PAG1: variants seen among roughly 807,000 people sequenced by gnomAD.
PAG1 encodes the protein phosphoprotein membrane anchor with glycosphingolipid microdomains 1, also known as phosphoprotein associated with glycosphingolipid-enriched microdomains 1.
PAG1 carries 23 observed loss-of-function variants against 31.7 expected under a neutral mutation model. The ratio of observed to expected loss-of-function variants is 0.73; its 90% CI spans 0.52 to 1.03. The LOEUF (loss-of-function observed/expected upper bound fraction) is 1.03, where lower values mean the gene tolerates loss of function less well. Ranked by LOEUF, PAG1 falls within the 50% of genes least tolerant of loss-of-function variation. The pLI is 0.00. For missense variants in PAG1, 473 were observed against 540.7 expected (o/e 0.87, Z 1.24); for synonymous variants, 214 against 210.3 (o/e 1.02, Z -0.15).
At position 81,001,162 on chromosome 8, in the gene PAG1, A is replaced by T. The variant is rs187621742; in HGVS notation, c.-80-7855T>A. Among the ~76,000 whole-genome samples the T allele has an allele frequency of 4.1e-3, 631 of 152,252 alleles. 10 individuals are homozygous for T. The highest frequency in any genetic ancestry group is 0.028 in the Admixed American group (422 of 15,296). ...GTGTGGCTGAGGCCCATCTTTTACA[A>T]GTTTTTTCCTTCCTTACTCAAAATT... On this transcript the variant is annotated intron_variant, in intron 3 of 8. Coordinates refer to ENST00000220597, the MANE Select transcript of PAG1 (RefSeq NM_018440.4).
chr8:81,076,674 T>C (rs1372151802), intron 1 of PAG1, among the ~76,000 whole-genome samples: 1 of 152,236 alleles, frequency 6.6e-6, no homozygotes, highest in East Asian at 1.9e-4. Context: ...TTCTTTGGTT[T>C]CTCAGATTTT....
chr8:81,004,746 G>A (rs995171050), intron 3 of PAG1, among the ~76,000 whole-genome samples: 3 of 152,204 alleles, frequency 2.0e-5, no homozygotes, highest in Non-Finnish European at 4.4e-5. Flanking sequence ...TGGCAGCAGA[G>A]GCTCCATGGC....
chr8:80,980,642 T>G (rs769676711), intron 7 of PAG1, 148 bp from the exon 8 acceptor site: 10 of 613,016 alleles, frequency 1.6e-5, no homozygotes, highest in Admixed American at 5.9e-5. Flanking sequence ...GAAACACTTA[T>G]GCAATCTATT....
chr8:81,095,409 C>T (rs1171385306), intron 1 of PAG1, among the ~76,000 whole-genome samples: 1 of 152,186 alleles, frequency 6.6e-6, no homozygotes, highest in East Asian at 1.9e-4. Context: ...CTTCCCGATC[C>T]TGAGTACAGG....
At chr8:81,070,032 G>A (rs1338390390) in intron 2 of PAG1, 80 bp downstream of exon 2, 1 of 152,226 alleles carries the variant, frequency 6.6e-6, no homozygotes, top group Non-Finnish European at 1.5e-5. Context: ...AACAACTGAT[G>A]CATGCAAAGT....
rs750490314 is a variant in PAG1 at position 81,004,154 on chromosome 8, G to A, written c.-80-10847C>T. Reference sequence around the variant, plus strand: ...GAACCAAAACACACAGATGGTGCACGGACAGGTAACGCAGAAAGAAAACAC... The same window carrying A: ...GAACCAAAACACACAGATGGTGCACAGACAGGTAACGCAGAAAGAAAACAC... On this transcript the variant is annotated intron_variant, in intron 3 of 8. Transcript: ENST00000220597. Among the ~76,000 whole-genome samples the A allele has an allele frequency of 5.2e-4, 79 of 152,142 alleles. 1 individual carries two copies. The highest frequency in any genetic ancestry group is 5.9e-4 in the Admixed American group (9 of 15,284).
chr8:80,993,199 C>G lies in PAG1; in HGVS notation c.29G>C (p.Ser10Thr). 1 of 1,612,434 alleles carries G rather than the reference C, an allele frequency of 6.2e-7. No homozygotes were observed. Among genetic ancestry groups the G allele is most frequent in the Non-Finnish European group, 8.5e-7 (1 of 1,179,446 alleles). The change falls in exon 4 of 9, where the codon AGC becomes ACC. Residue 10 changes from serine (S) to threonine (T), a missense_variant. Physicochemically the swap from Ser to Thr is moderately conservative, Grantham distance 58. Coordinates refer to ENST00000220597, the MANE Select transcript of PAG1 (RefSeq NM_018440.4). MGPAGSLLGSGQMQITLWGS... is the reference protein window; with the variant it reads MGPAGSLLGTGQMQITLWGS... ...CCACAGGGTGATCTGCATCTGTCCG[C>G]TGCCCAGCAGGCTCCCCGCGGGCCC...
At chr8:81,080,637 C>A (rs1423969584) in intron 1 of PAG1, among the ~76,000 whole-genome samples, 1 of 152,108 alleles carries the variant, frequency 6.6e-6, no homozygotes, top group Non-Finnish European at 1.5e-5. Context: ...GAATGTACAC[C>A]CAGTGTTGGC....
chr8:81,011,340 A>G (rs945795817), intron 3 of PAG1, among the ~76,000 whole-genome samples: 3 of 151,658 alleles, frequency 2.0e-5, no homozygotes, highest in Admixed American at 2.0e-4. Flanking sequence ...TTCTCATGGT[A>G]GTGAGTAAGT....
intron 3 of PAG1, among the ~76,000 whole-genome samples, chr8:81,004,121 C>T (rs143017836): frequency 5.1e-4 from 77 of 152,192 alleles, no homozygotes; most frequent in African/African-American, 1.8e-3. Flanking sequence ...CAACAAAATG[C>T]GAAGACAGAA....
At chr8:81,087,127 G>A (rs542199484) in intron 1 of PAG1, among the ~76,000 whole-genome samples, 3 of 152,194 alleles carry the variant, frequency 2.0e-5, no homozygotes, top group African/African-American at 4.8e-5. Context: ...GGCGGATCCC[G>A]AGGTCAGGAG....
chr8:81,016,199 G>T (rs564125680), intron 3 of PAG1, among the ~76,000 whole-genome samples: 1 of 152,198 alleles, frequency 6.6e-6, no homozygotes, highest in Non-Finnish European at 1.5e-5. Context: ...AGAATGAGCT[G>T]CTGAGTAAAT....
intron 1 of PAG1, among the ~76,000 whole-genome samples, chr8:81,106,751 C>T (rs1052165122): frequency 6.6e-6 from 1 of 152,102 alleles, no homozygotes; most frequent in African/African-American, 2.4e-5. Flanking sequence ...GAAAATATTA[C>T]GAGATGGTTT....
At chr8:81,031,630 A>T (rs149736137) in intron 2 of PAG1, among the ~76,000 whole-genome samples, 1 of 152,366 alleles carries the variant, frequency 6.6e-6, no homozygotes, top group Non-Finnish European at 1.5e-5. Flanking sequence ...TTTTTAAAAA[A>T]TGTCAAATTC....
In PAG1 at chr8:80,974,878, C is replaced by T. The variant is rs1386112975; in HGVS notation, c.*1666G>A. On this transcript the variant is annotated 3_prime_UTR_variant, in exon 9 of 9. Coordinates refer to ENST00000220597, the MANE Select transcript of PAG1 (RefSeq NM_018440.4). ...GGCTCCTTTGAAAATGAAAAGTGAA[C>T]AAGTTTCCTAATGCTGGCCTTATAA... 6.6e-6 allele frequency: 1 copy of T among 152,138 alleles called. No individual in the cohort carries two copies. Among genetic ancestry groups the T allele is most frequent in the Non-Finnish European group, 1.5e-5 (1 of 68,028 alleles). 9.4% of individuals were successfully genotyped at this position (152,138 alleles called of 1,614,324 possible).
chr8:81,063,306 A>G (rs1808948139), intron 2 of PAG1, among the ~76,000 whole-genome samples: 1 of 152,126 alleles, frequency 6.6e-6, no homozygotes, highest in Admixed American at 6.5e-5. Context: ...GGCCCACAAA[A>G]GAAGTATCTT....
At chr8:81,001,358 G>A (rs1177485652) in intron 3 of PAG1, among the ~76,000 whole-genome samples, 1 of 152,224 alleles carries the variant, frequency 6.6e-6, no homozygotes, top group Non-Finnish European at 1.5e-5. Flanking sequence ...GAGGCAAGAG[G>A]AAGTGCATAT....
chr8:81,041,063 A>G (rs955899148), intron 2 of PAG1, among the ~76,000 whole-genome samples: 2 of 152,236 alleles, frequency 1.3e-5, no homozygotes, highest in Non-Finnish European at 2.9e-5. Context: ...TTCCACATCG[A>G]TCTGCCAAAA....
intron 3 of PAG1, among the ~76,000 whole-genome samples, chr8:81,023,921 C>CA (rs533736055): frequency 2.0e-3 from 312 of 152,270 alleles, no homozygotes; most frequent in Non-Finnish European, 3.3e-3. Context: ...TGATAATCGT[C>CA]ACAACATCAG....
Sources: gnomAD v4.1 joint callset for allele counts (sites outside exome capture counted in the v4.1 genomes callset) on GRCh38, gnomAD v4.1.1 for gene constraint, MANE v1.5 for transcripts, NCBI Gene and HGNC (gene_info 2026-07-23, HGNC 2026-07-21) for gene names.